ARHGAP24: variants seen among roughly 807,000 people sequenced by gnomAD.
ARHGAP24 encodes Rho GTPase activating protein 24.
ARHGAP24 carries 50 observed loss-of-function variants against 76.4 expected under a neutral mutation model. The ratio of observed to expected loss-of-function variants is 0.65; its 90% CI spans 0.52 to 0.83. ARHGAP24 has a LOEUF of 0.83. Ranked by LOEUF, ARHGAP24 falls within the 40% of genes least tolerant of loss-of-function variation. The probability of loss-of-function intolerance (pLI) is 0.00; values close to 1 mark genes in which losing one functional copy is unlikely to be tolerated. For synonymous variants in ARHGAP24, 345 were observed against 323.3 expected (o/e 1.07, Z -0.72); for missense variants, 930 against 914.2 (o/e 1.02, Z -0.22).
At chr4:85,535,155 G>C (rs981270675) in intron 1 of ARHGAP24, among the ~76,000 whole-genome samples, 2 of 151,918 alleles carry the variant, frequency 1.3e-5, no homozygotes, top group South Asian at 4.1e-4. Context: ...ATGCATTTTT[G>C]TACCCCTATT....
chr4:85,767,676 T>C (rs969769652), intron 3 of ARHGAP24, among the ~76,000 whole-genome samples: 9 of 152,180 alleles, frequency 5.9e-5, no homozygotes, highest in African/African-American at 2.2e-4. Flanking sequence ...GAAACAATGT[T>C]TTAAATTTTC....
At chr4:85,510,692 A>G (rs1041753124) in intron 1 of ARHGAP24, among the ~76,000 whole-genome samples, 3 of 135,818 alleles carry the variant, frequency 2.2e-5, no homozygotes, top group African/African-American at 5.7e-5. Flanking sequence ...CCACTGCTCT[A>G]TGTACCCTGC....
rs1015084126 is a variant in ARHGAP24, at chr4:85,692,337, C to T, written c.181-29548C>T. The stretch of plus-strand genomic sequence containing the variant: ...ATGGTCATCTTATATAGTATCTAGC[C>T]TGGGTTTTCTGTATTTCTTGAATTT... On this transcript the variant is annotated intron_variant, in intron 2 of 9. Transcript: ENST00000395184. Among the ~76,000 whole-genome samples the T allele has an allele frequency of 5.9e-5, 9 of 152,106 alleles. No homozygotes were observed. In the South Asian group the frequency reaches 6.2e-4, roughly 11 times the overall value.
chr4:85,757,729 C>T (rs1726567540), intron 3 of ARHGAP24, among the ~76,000 whole-genome samples: 1 of 152,134 alleles, frequency 6.6e-6, no homozygotes, highest in Non-Finnish European at 1.5e-5. Flanking sequence ...TGGGTATATA[C>T]CCAGTAATGG....
At chr4:85,580,259 G>A (rs911374933) in intron 2 of ARHGAP24, among the ~76,000 whole-genome samples, 12 of 152,094 alleles carry the variant, frequency 7.9e-5, no homozygotes, top group African/African-American at 2.9e-4. Context: ...GAACAGGTGA[G>A]CAAAGACAAA....
chr4:85,597,882 C>T (rs149862957), intron 2 of ARHGAP24, among the ~76,000 whole-genome samples: 12 of 152,144 alleles, frequency 7.9e-5, no homozygotes, highest in Non-Finnish European at 7.4e-5. Context: ...TGAAATTAAA[C>T]GAGCAAATTT....
At chr4:85,976,351 G>A (rs149792312) in intron 7 of ARHGAP24, among the ~76,000 whole-genome samples, 4 of 152,150 alleles carry the variant, frequency 2.6e-5, no homozygotes, top group African/African-American at 7.2e-5. Context: ...CACATCCTCC[G>A]GTGGGTTCAA....
intron 3 of ARHGAP24, among the ~76,000 whole-genome samples, chr4:85,731,027 CAGAG>C (rs371450623): frequency 9.2e-4 from 74 of 80,624 alleles, no homozygotes; most frequent in East Asian, 5.6e-3. Flanking sequence ...CACACACACA[CAGAG>C]AGAGAGACTG....
intron 3 of ARHGAP24, among the ~76,000 whole-genome samples, chr4:85,850,428 G>T (rs929088015): frequency 6.6e-6 from 1 of 151,998 alleles, no homozygotes; most frequent in African/African-American, 2.4e-5. Context: ...TTTTTGAAGG[G>T]TTTTTTGTGT....
intron 3 of ARHGAP24, among the ~76,000 whole-genome samples, chr4:85,872,661 A>C (rs1317149619): frequency 7.3e-6 from 1 of 137,534 alleles, no homozygotes; most frequent in East Asian, 2.2e-4. Context: ...ACAGTGGCAC[A>C]ATCTCAGCTC....
chr4:85,711,006 C>T (rs1405997959), intron 2 of ARHGAP24, among the ~76,000 whole-genome samples: 1 of 152,006 alleles, frequency 6.6e-6, no homozygotes, highest in Non-Finnish European at 1.5e-5. Flanking sequence ...AACCTAAATA[C>T]CCATGTAGAT....
intron 1 of ARHGAP24, among the ~76,000 whole-genome samples, chr4:85,541,155 T>G (rs1207338691): frequency 2.0e-5 from 2 of 100,614 alleles, no homozygotes; most frequent in African/African-American, 8.2e-5. Context: ...TTTTTTTTTT[T>G]TTTTTTTTTT....
At chr4:85,743,720 C>CAA (rs1440170091) in intron 3 of ARHGAP24, among the ~76,000 whole-genome samples, 2 of 150,880 alleles carry the variant, frequency 1.3e-5, no homozygotes, top group East Asian at 4.0e-4. Flanking sequence ...AGACTGACTG[C>CAA]AAGTTAGCAC....
chr4:85,575,968 C>A (rs1476464253), intron 2 of ARHGAP24, among the ~76,000 whole-genome samples: 1 of 152,190 alleles, frequency 6.6e-6, no homozygotes. Flanking sequence ...AGACTTTCTA[C>A]AACAGATATT....
chr4:85,580,556 G>T (rs980568949), intron 2 of ARHGAP24, among the ~76,000 whole-genome samples: 7 of 152,066 alleles, frequency 4.6e-5, no homozygotes, highest in African/African-American at 1.7e-4. Flanking sequence ...ATATGGTATT[G>T]CAGGCCCCTC....
intron 3 of ARHGAP24, among the ~76,000 whole-genome samples, chr4:85,883,539 G>T (rs532285866): frequency 6.6e-6 from 1 of 152,096 alleles, no homozygotes; most frequent in Non-Finnish European, 1.5e-5. Flanking sequence ...GCATGTGCAG[G>T]GGGTAGAGTA....
At chr4:85,953,111 G>A (rs1311919687) in intron 5 of ARHGAP24, among the ~76,000 whole-genome samples, 3 of 152,112 alleles carry the variant, frequency 2.0e-5, no homozygotes, top group African/African-American at 7.2e-5. Flanking sequence ...TAACTGCTGG[G>A]CAACAGAATA....
intron 2 of ARHGAP24, among the ~76,000 whole-genome samples, chr4:85,617,540 T>C (rs1477411915): frequency 6.6e-6 from 1 of 152,160 alleles, no homozygotes; most frequent in Admixed American, 6.5e-5. Flanking sequence ...TTGTATATAG[T>C]TATTGATATA....
chr4:85,655,052 C>A (rs1050167280), intron 2 of ARHGAP24, among the ~76,000 whole-genome samples: 2 of 151,986 alleles, frequency 1.3e-5, no homozygotes, highest in Non-Finnish European at 2.9e-5. Context: ...ATTAAAATTC[C>A]TTAGAATATT....
Sources: allele counts gnomAD v4.1 joint callset (sites outside exome capture counted in the v4.1 genomes callset), GRCh38; gene constraint gnomAD v4.1.1; transcripts MANE v1.5; gene names NCBI Gene and HGNC (gene_info 2026-07-23, HGNC 2026-07-21).